CAMK2D: variants seen among roughly 807,000 people sequenced by gnomAD.
CAMK2D encodes the protein calcium/calmodulin-dependent protein kinase type II subunit delta.
CAMK2D carries 37 observed loss-of-function variants against 84.0 expected under a neutral mutation model. The observed-to-expected ratio is 0.44, with a 90% CI of 0.34 to 0.58. CAMK2D has a LOEUF of 0.58. CAMK2D is among the 20% of genes least tolerant of loss of function. The probability of loss-of-function intolerance (pLI) is 0.02; values close to 1 mark genes in which losing one functional copy is unlikely to be tolerated. For synonymous variants in CAMK2D, 202 were observed against 212.5 expected (o/e 0.95, Z 0.43); for missense variants, 448 against 652.5 (o/e 0.69, Z 3.41).
At chr4:113,507,754 A>G (rs1446080737) in intron 13 of CAMK2D, among the ~76,000 whole-genome samples, 3 of 152,142 alleles carry the variant, frequency 2.0e-5, no homozygotes, top group Non-Finnish European at 2.9e-5. Flanking sequence ...CAGGTGTTAA[A>G]TTTATTGTTT....
At chr4:113,593,871 T>A (rs1025235697) in intron 4 of CAMK2D, among the ~76,000 whole-genome samples, 2 of 152,090 alleles carry the variant, frequency 1.3e-5, no homozygotes, top group Non-Finnish European at 2.9e-5. Context: ...TCTTTCCCCA[T>A]AACTTACCAC....
chr4:113,459,106 C>T (rs911896694), intron 18 of CAMK2D, among the ~76,000 whole-genome samples: 1 of 152,202 alleles, frequency 6.6e-6, no homozygotes, highest in Admixed American at 6.5e-5. Flanking sequence ...TACTCACCTT[C>T]ATTTTCATTT....
Position 113,548,859 on chromosome 4 carries a change from T to C in CAMK2D, c.342-1143A>G. On this transcript the variant is annotated intron_variant, in intron 5 of 20. Transcript: ENST00000511664. ...AAAAATTATATTTCTTCACTTTTTTTAGCTTTACGTTGGAATCAAATAAAG... is the reference window on the plus strand; with the variant it reads ...AAAAATTATATTTCTTCACTTTTTTCAGCTTTACGTTGGAATCAAATAAAG... The C allele has an allele frequency of 7.2e-6, 4 of 554,294 alleles. No individual in the cohort carries two copies. The East Asian group carries it at 9.5e-5, about 13-fold the overall frequency. 34.3% of individuals were successfully genotyped at this position (554,294 alleles called of 1,614,324 possible). A position where few individuals can be genotyped will look rare whatever the true frequency, so the allele number is the denominator to read the frequency against.
chr4:113,736,900 G>A (rs2148865816), intron 2 of CAMK2D, among the ~76,000 whole-genome samples: 1 of 152,240 alleles, frequency 6.6e-6, no homozygotes, highest in East Asian at 1.9e-4. Flanking sequence ...AACTGGCAAT[G>A]TCCAGTTCAT....
chr4:113,622,378 A>C (rs922987098), intron 3 of CAMK2D, among the ~76,000 whole-genome samples: 1 of 152,190 alleles, frequency 6.6e-6, no homozygotes, highest in African/African-American at 2.4e-5. Flanking sequence ...TAGTGTGGCT[A>C]TCCCACCCAC....
intron 16 of CAMK2D, among the ~76,000 whole-genome samples, chr4:113,482,961 ACT>A (rs1340138433): frequency 6.6e-6 from 1 of 152,156 alleles, no homozygotes; most frequent in African/African-American, 2.4e-5. Context: ...GGATTGGCAA[ACT>A]CTGCTCAACA....
At chr4:113,485,799 C>T (rs900397900) in intron 16 of CAMK2D, among the ~76,000 whole-genome samples, 6 of 152,194 alleles carry the variant, frequency 3.9e-5, no homozygotes, top group Non-Finnish European at 8.8e-5. Context: ...AGCACCTTCC[C>T]TCCTCTCAAG....
chr4:113,747,756 G>C (rs1302452752), intron 2 of CAMK2D, among the ~76,000 whole-genome samples: 1 of 152,030 alleles, frequency 6.6e-6, no homozygotes, highest in Non-Finnish European at 1.5e-5. Flanking sequence ...CTTATCACCT[G>C]TTCATTTCAA....
In CAMK2D at chr4:113,609,866, T is replaced by C. The variant is rs914568368; in HGVS notation, c.221-660A>G. 3.3e-5 allele frequency among the ~76,000 whole-genome samples: 5 copies of C among 152,310 alleles called. No individual in the cohort carries two copies. In the South Asian group the frequency reaches 8.3e-4, roughly 25 times the overall value. On this transcript the variant is annotated intron_variant, in intron 3 of 20. Transcript: ENST00000511664. ...TTGAACTTTTGCTAAAATAATTTAC[T>C]AGTTTCTCAAATTAATGCCACTTTA...
At chr4:113,613,183 A>G (rs1222197621) in intron 3 of CAMK2D, among the ~76,000 whole-genome samples, 1 of 152,178 alleles carries the variant, frequency 6.6e-6, no homozygotes, top group Non-Finnish European at 1.5e-5. Flanking sequence ...TAATATATGC[A>G]AGCACCACAA....
intron 8 of CAMK2D, among the ~76,000 whole-genome samples, chr4:113,525,570 T>C (rs530588660): frequency 6.6e-6 from 1 of 152,322 alleles, no homozygotes; most frequent in African/African-American, 2.4e-5. Context: ...GGTCAGACCA[T>C]ACTCTGTGTG....
At chr4:113,679,335 C>T (rs928762176) in intron 2 of CAMK2D, 22 of 276,820 alleles carry the variant, frequency 7.9e-5, no homozygotes, top group African/African-American at 3.9e-4. Context: ...TACTAATACA[C>T]GTATGTCAAA....
At chr4:113,614,981 T>C (rs1407074288) in intron 3 of CAMK2D, among the ~76,000 whole-genome samples, 1 of 152,178 alleles carries the variant, frequency 6.6e-6, no homozygotes, top group Non-Finnish European at 1.5e-5. Context: ...GATTGTATTA[T>C]ATCCTCATAA....
At chr4:113,463,398 A>C (rs914475612) in intron 17 of CAMK2D, among the ~76,000 whole-genome samples, 1 of 152,046 alleles carries the variant, frequency 6.6e-6, no homozygotes, top group Non-Finnish European at 1.5e-5. Context: ...TTTTTTGAGA[A>C]AGAGTTTCAC....
Position 113,460,154 on chromosome 4 carries a change from A to C in CAMK2D, c.1299T>G (p.Phe433Leu). The change falls in exon 18 of 21, where the codon TTT becomes TTG. Residue 433 changes from phenylalanine (F) to leucine (L), a missense_variant. Phe to Leu is a conservative substitution (Grantham distance 22, BLOSUM62 0). This residue lies in a region of CAMK2D where 219 missense variants were observed against 272.1 expected (regional missense o/e 0.80). Transcript: ENST00000511664. ...AATTAGGAATAAATGTACCATTTTC[A>C]AAGTAGAATCGGTGAAAATCCATCC... ...VEGMDFHRFY[F>L]ENALSKSNKP... 6.4e-7 allele frequency: 1 copy of C among 1,567,264 alleles called. No homozygotes were observed. The highest frequency in any genetic ancestry group is 8.8e-7 in the Non-Finnish European group (1 of 1,137,998).
At chr4:113,493,380 T>A (rs1387190952) in intron 16 of CAMK2D, among the ~76,000 whole-genome samples, 2 of 150,750 alleles carry the variant, frequency 1.3e-5, no homozygotes, top group African/African-American at 4.8e-5. Flanking sequence ...TGTAAAGTAT[T>A]TTATTTCTCC....
chr4:113,572,000 T>C (rs758725995), intron 4 of CAMK2D, among the ~76,000 whole-genome samples: 1 of 152,158 alleles, frequency 6.6e-6, no homozygotes, highest in African/African-American at 2.4e-5. Context: ...TAGAGAGACA[T>C]GTTGGGCCTA....
chr4:113,652,268 T>C (rs1413233653), intron 3 of CAMK2D, among the ~76,000 whole-genome samples: 1 of 152,226 alleles, frequency 6.6e-6, no homozygotes, highest in Non-Finnish European at 1.5e-5. Context: ...TATTTGTTTG[T>C]TATGAGAATT....
chr4:113,760,618 A>G (rs573962062), intron 1 of CAMK2D, among the ~76,000 whole-genome samples: 29 of 152,290 alleles, frequency 1.9e-4, no homozygotes, highest in African/African-American at 7.0e-4. Flanking sequence ...TACAGAAAAC[A>G]TGATCTATGT....
Sources: gnomAD v4.1 joint callset for allele counts (sites outside exome capture counted in the v4.1 genomes callset) on GRCh38, gnomAD v4.1.1 for gene constraint, gnomAD v4.1.1 regional missense constraint, MANE v1.5 for transcripts, NCBI Gene and HGNC (gene_info 2026-07-23, HGNC 2026-07-21) for gene names.